FRMPD4: variants seen among roughly 807,000 people sequenced by gnomAD.
The protein encoded by FRMPD4 is FERM and PDZ domain-containing protein 4.
In FRMPD4, 22 loss-of-function variants were observed where a neutral mutation model predicts 94.1. The ratio of observed to expected loss-of-function variants is 0.23; its 90% CI spans 0.17 to 0.33. The LOEUF (loss-of-function observed/expected upper bound fraction) is 0.33, where lower values mean the gene tolerates loss of function less well. Ranked by LOEUF, FRMPD4 falls within the 10% of genes least tolerant of loss-of-function variation. The probability of loss-of-function intolerance (pLI) is 1.00; values close to 1 mark genes in which losing one functional copy is unlikely to be tolerated. For missense variants in FRMPD4, 1,111 were observed against 1,339.9 expected (o/e 0.83, Z 2.67); for synonymous variants, 631 against 548.6 (o/e 1.15, Z -2.10).
intron 1 of FRMPD4, among the ~76,000 whole-genome samples, chrX:12,259,947 A>T (rs754578400): frequency 8.9e-6 from 1 of 112,124 alleles, no homozygotes; most frequent in Admixed American, 9.4e-5. Flanking sequence ...AAAGCCCTGC[A>T]AAGTAAGGAT....
chrX:12,341,632 C>A, intron 1 of FRMPD4: 1 of 328,260 alleles, frequency 3.0e-6, no homozygotes, highest in East Asian at 9.7e-5. Flanking sequence ...TGAGGTCACA[C>A]AGCTGGTAAG....
intron 2 of FRMPD4, among the ~76,000 whole-genome samples, chrX:12,557,398 C>T (rs2058607154): frequency 8.9e-6 from 1 of 112,120 alleles, no homozygotes; most frequent in East Asian, 2.8e-4. Flanking sequence ...CAAGGGAAGG[C>T]TTCGAAGAAA....
At chrX:12,487,164 G>C (rs1027706678) in intron 1 of FRMPD4, among the ~76,000 whole-genome samples, 7 of 111,639 alleles carry the variant, frequency 6.3e-5, no homozygotes, top group Non-Finnish European at 1.1e-4. Flanking sequence ...CCATAAATCT[G>C]TTTTCCCTAT....
intron 1 of FRMPD4, among the ~76,000 whole-genome samples, chrX:12,196,996 A>G (rs1482349253): frequency 8.9e-6 from 1 of 112,050 alleles, no homozygotes; most frequent in Non-Finnish European, 1.9e-5. Context: ...AAGCCCCATC[A>G]GAAAATGGAA....
At chrX:11,826,737 G>A (rs2053445335) in intron 1 of FRMPD4, among the ~76,000 whole-genome samples, 1 of 111,412 alleles carries the variant, frequency 9.0e-6, no homozygotes, top group Non-Finnish European at 1.9e-5. Context: ...TCTATCTAGA[G>A]CTTCACTCAA....
At chrX:12,701,245 G>C (rs2060187809) in intron 9 of FRMPD4, among the ~76,000 whole-genome samples, 1 of 109,253 alleles carries the variant, frequency 9.2e-6, no homozygotes. Context: ...GCTAATTTTT[G>C]TGTTTTTTGT....
intron 1 of FRMPD4, among the ~76,000 whole-genome samples, chrX:12,179,105 A>G (rs1375177051): frequency 9.0e-6 from 1 of 111,645 alleles, no homozygotes; most frequent in African/African-American, 3.3e-5. Flanking sequence ...TTGTTTGGCA[A>G]TGGCTCTGAC....
chrX:12,657,802 G>A, intron 4 of FRMPD4, among the ~76,000 whole-genome samples: 1 of 112,397 alleles, frequency 8.9e-6, no homozygotes, highest in East Asian at 2.8e-4. Context: ...AGAGGCCTTT[G>A]GCCTTCAGAT....
chrX:11,849,007 A>G (rs958428925), intron 1 of FRMPD4, among the ~76,000 whole-genome samples: 2 of 111,369 alleles, frequency 1.8e-5, no homozygotes, highest in Non-Finnish European at 3.8e-5. Flanking sequence ...GGAAGACAAG[A>G]AGGAAAATTA....
chrX:12,570,817 A>G (rs1408748138), intron 2 of FRMPD4, among the ~76,000 whole-genome samples: 3 of 111,145 alleles, frequency 2.7e-5, no homozygotes, highest in Non-Finnish European at 3.8e-5. Context: ...TACAGGGTGG[A>G]TCTGCTGGAC....
intron 1 of FRMPD4, among the ~76,000 whole-genome samples, chrX:12,422,901 C>T (rs2056901043): frequency 9.0e-6 from 1 of 111,026 alleles, no homozygotes; most frequent in Non-Finnish European, 1.9e-5. Flanking sequence ...AAAGATGTGA[C>T]TTTTTTGTGG....
At chrX:12,663,564 G>A (rs1337473221) in intron 4 of FRMPD4, among the ~76,000 whole-genome samples, 2 of 111,850 alleles carry the variant, frequency 1.8e-5, no homozygotes, top group East Asian at 5.6e-4. Context: ...TATCCGTTTT[G>A]GTACCAGTAC....
At chrX:12,653,744 A>G (rs2059621878) in intron 4 of FRMPD4, among the ~76,000 whole-genome samples, 1 of 111,476 alleles carries the variant, frequency 9.0e-6, no homozygotes, top group South Asian at 3.7e-4. Flanking sequence ...AAAAAAAAAA[A>G]AAAAAGAAAA....
chrX:12,447,991 G>A (rs1215547608), intron 1 of FRMPD4, among the ~76,000 whole-genome samples: 1 of 111,761 alleles, frequency 8.9e-6, no homozygotes, highest in Non-Finnish European at 1.9e-5. Context: ...TAGGTGTCAC[G>A]GGTGGTGACT....
chrX:12,339,108 C>T (rs2147954431), intron 1 of FRMPD4, among the ~76,000 whole-genome samples: 1 of 112,012 alleles, frequency 8.9e-6, no homozygotes, highest in East Asian at 2.8e-4. Flanking sequence ...GGCCGAACAT[C>T]CATCTGGGAG....
At chrX:12,695,187 T>C (rs1690847516) in intron 9 of FRMPD4, among the ~76,000 whole-genome samples, 1 of 111,511 alleles carries the variant, frequency 9.0e-6, no homozygotes, top group Admixed American at 9.6e-5. Flanking sequence ...TATGATTAGA[T>C]TGATGTCATA....
At chrX:11,860,949 T>G (rs1000052580) in intron 1 of FRMPD4, among the ~76,000 whole-genome samples, 15 of 112,197 alleles carry the variant, frequency 1.3e-4, no homozygotes, top group African/African-American at 4.8e-4. Flanking sequence ...GCAGAATCAA[T>G]TTGAAGATTT....
intron 1 of FRMPD4, among the ~76,000 whole-genome samples, chrX:12,393,935 GT>G (rs1325344509): frequency 9.0e-6 from 1 of 111,474 alleles, no homozygotes. Flanking sequence ...AAAACTTGAA[GT>G]TTTACAAATC....
At chrX:12,333,964 A>G (rs995353800) in intron 1 of FRMPD4, among the ~76,000 whole-genome samples, 1 of 111,946 alleles carries the variant, frequency 8.9e-6, no homozygotes, top group African/African-American at 3.2e-5. Flanking sequence ...AGGTCTTTAG[A>G]TAACAGGCTT....
Sources: allele counts gnomAD v4.1 joint callset (sites outside exome capture counted in the v4.1 genomes callset), GRCh38; gene constraint gnomAD v4.1.1; transcripts MANE v1.5; gene names NCBI Gene and HGNC (gene_info 2026-07-23, HGNC 2026-07-21).